PKIA: variants seen among roughly 807,000 people sequenced by gnomAD.
PKIA encodes PKI-alpha.
Under a neutral mutation model 7.6 loss-of-function variants are expected in PKIA, and 4 were observed. The ratio of observed to expected loss-of-function variants is 0.52; its 90% CI spans 0.26 to 1.20. The LOEUF (loss-of-function observed/expected upper bound fraction) is 1.20, where lower values mean the gene tolerates loss of function less well. Ranked by LOEUF, PKIA falls within the 50% of genes most tolerant of loss-of-function variation. PKIA has a pLI of 0.13. For synonymous variants in PKIA, 21 were observed against 30.7 expected (o/e 0.68, Z 1.04); for missense variants, 73 against 86.2 (o/e 0.85, Z 0.61).
At chr8:78,561,965 A>G (rs1006621755) in intron 1 of PKIA, among the ~76,000 whole-genome samples, 4 of 152,094 alleles carry the variant, frequency 2.6e-5, no homozygotes, top group African/African-American at 9.7e-5. Flanking sequence ...TACTGGCTTG[A>G]ATTAGTTCTA....
Position 78,518,216 on chromosome 8 carries a change from C to T in PKIA, c.-157+1748C>T, listed in dbSNP as rs183418470. Among the ~76,000 whole-genome samples the T allele has an allele frequency of 3.0e-3, 451 of 152,316 alleles. 4 individuals carry two copies. The highest frequency in any genetic ancestry group is 0.01 in the African/African-American group (421 of 41,578). ...GGGTGTAGGGGGTGGGCAAAGCCCA[C>T]TACTGAGTGATCCACTCCAGGAACT... is the stretch of plus-strand genomic sequence containing the variant. On this transcript the variant is annotated intron_variant, in intron 1 of 3. Transcript: ENST00000396418.
intron 1 of PKIA, among the ~76,000 whole-genome samples, chr8:78,564,915 AAAAT>A (rs1807368132): frequency 6.6e-6 from 1 of 151,904 alleles, no homozygotes; most frequent in African/African-American, 2.4e-5. Context: ...AAATCAAACA[AAAAT>A]AAAAATTTAA....
intron 1 of PKIA, among the ~76,000 whole-genome samples, chr8:78,520,743 A>C (rs534231091): frequency 8.5e-5 from 13 of 152,298 alleles, no homozygotes; most frequent in African/African-American, 3.1e-4. Context: ...TCTTCTCCCC[A>C]AGTACATACA....
At chr8:78,538,765 C>A (rs1806600997) in intron 1 of PKIA, among the ~76,000 whole-genome samples, 1 of 152,008 alleles carries the variant, frequency 6.6e-6, no homozygotes, top group Non-Finnish European at 1.5e-5. Flanking sequence ...CTAAAGTTGA[C>A]AGCCTGGGAG....
At chr8:78,584,539 G>A (rs1258308818) in intron 2 of PKIA, among the ~76,000 whole-genome samples, 3 of 152,054 alleles carry the variant, frequency 2.0e-5, no homozygotes, top group African/African-American at 7.2e-5. Flanking sequence ...TAGAAGATAA[G>A]CACCAGATCT....
intron 1 of PKIA, among the ~76,000 whole-genome samples, chr8:78,550,116 G>T (rs949228533): frequency 2.0e-5 from 3 of 152,058 alleles, no homozygotes; most frequent in African/African-American, 7.2e-5. Context: ...TTCAATAGGG[G>T]AGAAAGACTG....
intron 1 of PKIA, among the ~76,000 whole-genome samples, chr8:78,524,198 A>G (rs970937745): frequency 9.5e-5 from 12 of 126,238 alleles, no homozygotes; most frequent in Non-Finnish European, 1.7e-4. Context: ...ATAAACATTT[A>G]TATTTATATA....
chr8:78,540,989 CAA>C (rs1172832119), intron 1 of PKIA, among the ~76,000 whole-genome samples: 3 of 152,014 alleles, frequency 2.0e-5, no homozygotes, highest in South Asian at 4.1e-4. Flanking sequence ...TTTTAATTGA[CAA>C]AATTATATAT....
chr8:78,574,224 G>T (rs1437400851), intron 2 of PKIA, among the ~76,000 whole-genome samples: 2 of 151,816 alleles, frequency 1.3e-5, no homozygotes, highest in Non-Finnish European at 1.5e-5. Flanking sequence ...CAGGGTAATT[G>T]GTATATCCAT....
At chr8:78,543,683 A>G (rs1354673176) in intron 1 of PKIA, among the ~76,000 whole-genome samples, 1 of 152,116 alleles carries the variant, frequency 6.6e-6, no homozygotes, top group Non-Finnish European at 1.5e-5. Context: ...GAATTCCTAA[A>G]TGGATGCAGT....
At chr8:78,587,757 T>C (rs1807984972) in intron 2 of PKIA, among the ~76,000 whole-genome samples, 2 of 152,224 alleles carry the variant, frequency 1.3e-5, no homozygotes, top group South Asian at 2.1e-4. Flanking sequence ...AAAAATCTTT[T>C]GTTATAATTG....
intron 2 of PKIA, among the ~76,000 whole-genome samples, chr8:78,588,936 TA>T (rs1808025388): frequency 6.6e-6 from 1 of 151,652 alleles, no homozygotes; most frequent in Non-Finnish European, 1.5e-5. Context: ...AAGAAAGATT[TA>T]AAAAATGCAG....
chr8:78,563,492 A>G (rs1422649650), intron 1 of PKIA, among the ~76,000 whole-genome samples: 2 of 152,312 alleles, frequency 1.3e-5, no homozygotes, highest in East Asian at 3.9e-4. Flanking sequence ...AAAATATACC[A>G]AGGTAGAAGA....
intron 2 of PKIA, among the ~76,000 whole-genome samples, chr8:78,583,391 A>G (rs1807868830): frequency 6.6e-6 from 1 of 152,162 alleles, no homozygotes; most frequent in South Asian, 2.1e-4. Flanking sequence ...GCAGCTTGTA[A>G]CAGATTGCAG....
At chr8:78,570,690 C>A (rs1807525070) in intron 1 of PKIA, among the ~76,000 whole-genome samples, 1 of 152,154 alleles carries the variant, frequency 6.6e-6, no homozygotes, top group Non-Finnish European at 1.5e-5. Context: ...CATACACAAA[C>A]CATTCTTTAT....
At chr8:78,573,671 A>G (rs1275601777) in intron 2 of PKIA, among the ~76,000 whole-genome samples, 1 of 152,048 alleles carries the variant, frequency 6.6e-6, no homozygotes, top group Non-Finnish European at 1.5e-5. Flanking sequence ...TACATTTAGC[A>G]CAGCACTTGA....
At chr8:78,520,321 C>T (rs911730495) in intron 1 of PKIA, among the ~76,000 whole-genome samples, 5 of 152,056 alleles carry the variant, frequency 3.3e-5, no homozygotes, top group African/African-American at 1.2e-4. Context: ...CTTAAATGTC[C>T]TTAAATGGAT....
intron 1 of PKIA, among the ~76,000 whole-genome samples, chr8:78,572,475 G>A (rs556628387): frequency 1.5e-4 from 22 of 147,858 alleles, no homozygotes; most frequent in East Asian, 4.1e-4. Context: ...TTTTTTGCCC[G>A]CTAAATCACT....
chr8:78,570,968 T>C (rs1223557316), intron 1 of PKIA, among the ~76,000 whole-genome samples: 3 of 152,094 alleles, frequency 2.0e-5, no homozygotes, highest in Non-Finnish European at 4.4e-5. Flanking sequence ...TCTCTTCCAT[T>C]ACACTATGTA....
Sources: allele counts gnomAD v4.1 joint callset (sites outside exome capture counted in the v4.1 genomes callset), GRCh38; gene constraint gnomAD v4.1.1; transcripts MANE v1.5; gene names NCBI Gene and HGNC (gene_info 2026-07-23, HGNC 2026-07-21).